Variants in EIF4G3 observed in about 807,000 individuals in gnomAD.
EIF4G3 encodes the protein eukaryotic translation initiation factor 4 gamma 3.
In EIF4G3, 34 loss-of-function variants were observed where a neutral mutation model predicts 186.4. The ratio of observed to expected loss-of-function variants is 0.18; its 90% CI spans 0.14 to 0.24. EIF4G3 has a LOEUF of 0.24. Among genes scored for constraint, EIF4G3 ranks in the 10% least tolerant of loss-of-function variants. The pLI is 1.00. For missense variants in EIF4G3, 1,536 were observed against 1,948.5 expected (o/e 0.79, Z 3.99); for synonymous variants, 673 against 679.5 (o/e 0.99, Z 0.15).
At chr1:21,005,120 G>A (rs1366798711) in intron 4 of EIF4G3, among the ~76,000 whole-genome samples, 1 of 152,104 alleles carries the variant, frequency 6.6e-6, no homozygotes, top group Non-Finnish European at 1.5e-5. Flanking sequence ...TCCGAAATCT[G>A]AAAGGCTGAA....
intron 20 of EIF4G3, among the ~76,000 whole-genome samples, chr1:20,867,723 T>G (rs1212930063): frequency 6.6e-6 from 1 of 152,120 alleles, no homozygotes; most frequent in East Asian, 1.9e-4. Context: ...AAAGAAAGGA[T>G]AAAGCAAAGT....
intron 3 of EIF4G3, among the ~76,000 whole-genome samples, chr1:21,080,274 C>A (rs574979444): frequency 1.3e-5 from 2 of 150,472 alleles, no homozygotes; most frequent in African/African-American, 4.9e-5. Context: ...CATGATCGTG[C>A]GACTGCACTC....
At chr1:21,086,682 G>A (rs1375499034) in intron 3 of EIF4G3, among the ~76,000 whole-genome samples, 4 of 151,926 alleles carry the variant, frequency 2.6e-5, no homozygotes, top group Non-Finnish European at 5.9e-5. Context: ...TCTCACACCT[G>A]TAATCCCAGC....
intron 18 of EIF4G3, among the ~76,000 whole-genome samples, chr1:20,888,690 T>G (rs932817301): frequency 6.6e-6 from 1 of 152,146 alleles, no homozygotes; most frequent in South Asian, 2.1e-4. Flanking sequence ...GAAAACATTA[T>G]TGTGATTATA....
At chr1:21,028,861 T>C (rs1387636924) in intron 4 of EIF4G3, among the ~76,000 whole-genome samples, 1 of 152,234 alleles carries the variant, frequency 6.6e-6, no homozygotes, top group African/African-American at 2.4e-5. Context: ...TATACCTAAA[T>C]AGAGTTTAGA....
chr1:20,985,527 A>T (rs560984591), intron 7 of EIF4G3, among the ~76,000 whole-genome samples: 1,640 of 141,014 alleles, frequency 0.012, 28 homozygotes, highest in African/African-American at 0.035. Context: ...AAAAAAAAAA[A>T]AAATATATAT....
At chr1:21,031,084 G>C (rs1296169742) in intron 4 of EIF4G3, among the ~76,000 whole-genome samples, 1 of 152,050 alleles carries the variant, frequency 6.6e-6, no homozygotes, top group African/African-American at 2.4e-5. Context: ...TATTTGGGTG[G>C]CTGAGGCAGG....
chr1:20,911,959 T>C lies in EIF4G3; in HGVS notation c.1664-6988A>G, dbSNP rs551336833. Among the ~76,000 whole-genome samples, 190 of 152,188 alleles carry C rather than the reference T, an allele frequency of 1.2e-3. 1 individual carries two copies. The highest frequency in any genetic ancestry group is 4.4e-3 in the African/African-American group (184 of 41,538). ...AAAATAAAATAAAAATAAAATATACTGCACTCCAGCCTGGATGACAGAGTG... is the reference window on the plus strand; with the variant it reads ...AAAATAAAATAAAAATAAAATATACCGCACTCCAGCCTGGATGACAGAGTG... On this transcript the variant is annotated intron_variant, in intron 14 of 36. Coordinates refer to ENST00000602326, the MANE Select transcript of EIF4G3 (RefSeq NM_001391906.1).
At chr1:21,093,671 A>G (rs1007373929) in intron 2 of EIF4G3, among the ~76,000 whole-genome samples, 4 of 152,212 alleles carry the variant, frequency 2.6e-5, no homozygotes, top group Admixed American at 2.6e-4. Flanking sequence ...CTGTGGCACA[A>G]TTCACAACAG....
intron 3 of EIF4G3, among the ~76,000 whole-genome samples, chr1:21,076,973 T>G (rs559139968): frequency 6.6e-6 from 1 of 152,132 alleles, no homozygotes; most frequent in Admixed American, 6.5e-5. Context: ...TTCTGCAAAT[T>G]TAAGGAAACA....
chr1:21,104,784 T>C (rs967476544), intron 2 of EIF4G3, among the ~76,000 whole-genome samples: 2 of 152,112 alleles, frequency 1.3e-5, no homozygotes, highest in African/African-American at 4.8e-5. Flanking sequence ...CATAGCACTA[T>C]TCACAATAGC....
intron 28 of EIF4G3, among the ~76,000 whole-genome samples, chr1:20,850,348 A>G (rs1334609681): frequency 6.6e-6 from 1 of 152,224 alleles, no homozygotes; most frequent in Non-Finnish European, 1.5e-5. Flanking sequence ...TCTAGCACAG[A>G]TTTTAAAAAA....
At chr1:20,925,278 AG>A (rs1425107423) in intron 14 of EIF4G3, among the ~76,000 whole-genome samples, 1 of 152,218 alleles carries the variant, frequency 6.6e-6, no homozygotes, top group Non-Finnish European at 1.5e-5. Context: ...ATGGAACATC[AG>A]TGTATAATAT....
At chr1:21,005,713 G>C (rs2084877309) in intron 4 of EIF4G3, among the ~76,000 whole-genome samples, 1 of 152,088 alleles carries the variant, frequency 6.6e-6, no homozygotes. Flanking sequence ...CACCCTTCCT[G>C]ATCACAGATA....
intron 4 of EIF4G3, among the ~76,000 whole-genome samples, chr1:21,033,412 A>G (rs1299788877): frequency 6.6e-6 from 1 of 152,206 alleles, no homozygotes; most frequent in East Asian, 1.9e-4. Flanking sequence ...ATTGAAACCT[A>G]ACAGCAGAGC....
At chr1:21,115,627 GAAA>G (rs558904147) in intron 2 of EIF4G3, among the ~76,000 whole-genome samples, 3 of 151,824 alleles carry the variant, frequency 2.0e-5, no homozygotes, top group Non-Finnish European at 4.4e-5. Context: ...AAATGAAGGG[GAAA>G]AAAAATGTGT....
intron 3 of EIF4G3, among the ~76,000 whole-genome samples, chr1:21,052,363 A>C (rs2094271196): frequency 6.6e-6 from 1 of 152,210 alleles, no homozygotes; most frequent in Non-Finnish European, 1.5e-5. Flanking sequence ...GAAAGAAGTC[A>C]TTCTCCTTAA....
intron 2 of EIF4G3, among the ~76,000 whole-genome samples, chr1:21,123,104 T>C (rs1295358615): frequency 1.3e-5 from 2 of 152,134 alleles, no homozygotes; most frequent in Non-Finnish European, 2.9e-5. Context: ...ATCAAAATAT[T>C]TAAAAGTTGT....
chr1:20,969,060 C>A (rs1306912641), intron 12 of EIF4G3, among the ~76,000 whole-genome samples: 1 of 152,202 alleles, frequency 6.6e-6, no homozygotes, highest in African/African-American at 2.4e-5. Flanking sequence ...TCATCTCAAG[C>A]AACACTGTTT....
Sources: allele counts gnomAD v4.1 joint callset (sites outside exome capture counted in the v4.1 genomes callset), GRCh38; gene constraint gnomAD v4.1.1; transcripts MANE v1.5; gene names NCBI Gene and HGNC (gene_info 2026-07-23, HGNC 2026-07-21).